PDE10A: variants seen among roughly 807,000 people sequenced by gnomAD.
PDE10A encodes cAMP and cAMP-inhibited cGMP 3',5'-cyclic phosphodiesterase 10A.
PDE10A carries 39 observed loss-of-function variants against 97.7 expected under a neutral mutation model. The observed-to-expected ratio is 0.40, with a 90% CI of 0.31 to 0.52. PDE10A has a LOEUF of 0.52. Ranked by LOEUF, PDE10A falls within the 20% of genes least tolerant of loss-of-function variation. PDE10A has a pLI of 0.56. For synonymous variants in PDE10A, 371 were observed against 376.8 expected, an observed-to-expected ratio of 0.98 and a Z score of 0.18; for missense variants, 731 against 1,047.8, an observed-to-expected ratio of 0.70 and a Z score of 4.17.
At chr6:165,486,053 C>T (rs755019055) in intron 2 of PDE10A, among the ~76,000 whole-genome samples, 22 of 152,042 alleles carry the variant, frequency 1.4e-4, no homozygotes, top group Non-Finnish European at 1.0e-4. Flanking sequence ...CGGCTAGCAA[C>T]GTAACTAGAG....
chr6:165,486,763 C>T (rs1337135257), intron 2 of PDE10A, among the ~76,000 whole-genome samples: 1 of 152,182 alleles, frequency 6.6e-6, no homozygotes, highest in Non-Finnish European at 1.5e-5. Context: ...ATAGAATGGG[C>T]TGCAAAACTT....
intron 1 of PDE10A, among the ~76,000 whole-genome samples, chr6:165,695,794 C>T (rs73788730): frequency 1.3e-3 from 192 of 152,158 alleles, no homozygotes; most frequent in African/African-American, 4.2e-3. Context: ...AAGGGAGAAT[C>T]GGGGAATGAG....
chr6:165,723,193 T>C (rs1465863648), intron 1 of PDE10A, among the ~76,000 whole-genome samples: 1 of 152,190 alleles, frequency 6.6e-6, no homozygotes, highest in Non-Finnish European at 1.5e-5. Flanking sequence ...CCACATGCAC[T>C]TGGAGGCACC....
Position 165,628,794 on chromosome 6 carries a change from A to G in PDE10A, c.865+33153T>C, listed in dbSNP as rs185458847. 1.4e-3 allele frequency among the ~76,000 whole-genome samples: 215 copies of G among 152,340 alleles called. 1 individual carries two copies. Among genetic ancestry groups the G allele is most frequent in the African/African-American group, 4.7e-3 (196 of 41,564 alleles). ...GTGCTTTGAGTGAAATTCACTATAC[A>G]CTAATCTAAACCTCCAGATTTATAG... On this transcript the variant is annotated intron_variant, in intron 1 of 21. Coordinates refer to ENST00000539869, the MANE Select transcript of PDE10A (RefSeq NM_001385079.1).
Position 165,636,739 on chromosome 6 carries a change from T to C in PDE10A, c.865+25208A>G, listed in dbSNP as rs147241910. On this transcript the variant is annotated intron_variant, in intron 1 of 21. Coordinates refer to ENST00000539869, the MANE Select transcript of PDE10A (RefSeq NM_001385079.1). ...CCCGAACACATTTGTGAAGTACTAATTGGAGGTGCAGAAATGAGGCTCCTT... is the reference window on the plus strand; with the variant it reads ...CCCGAACACATTTGTGAAGTACTAACTGGAGGTGCAGAAATGAGGCTCCTT... Among the ~76,000 whole-genome samples the C allele has an allele frequency of 3.6e-3, 548 of 152,330 alleles. 2 individuals carry two copies. The highest frequency in any genetic ancestry group is 0.012 in the African/African-American group (514 of 41,584).
upstream of PDE10A, among the ~76,000 whole-genome samples, chr6:165,663,691 C>G (rs1363481542): frequency 6.6e-6 from 1 of 152,244 alleles, no homozygotes; most frequent in Admixed American, 6.5e-5. Context: ...CTCCCTTTCG[C>G]ATACTCACTT....
intron 2 of PDE10A, among the ~76,000 whole-genome samples, chr6:165,518,749 C>T (rs141206451): frequency 6.6e-6 from 1 of 152,238 alleles, no homozygotes; most frequent in African/African-American, 2.4e-5. Context: ...GTCCATGAAA[C>T]CGTGAAGAAG....
At chr6:165,369,455 G>C (rs1399498148) in intron 18 of PDE10A, among the ~76,000 whole-genome samples, 6 of 150,404 alleles carry the variant, frequency 4.0e-5, no homozygotes, top group African/African-American at 1.5e-4. Flanking sequence ...GAGCTGATGC[G>C]ATCAACTGGA....
At chr6:165,632,084 C>T (rs1023651211) in intron 1 of PDE10A, among the ~76,000 whole-genome samples, 2 of 151,026 alleles carry the variant, frequency 1.3e-5, no homozygotes, top group African/African-American at 4.9e-5. Flanking sequence ...CCTGTAATTT[C>T]AGCTACTTGG....
intron 1 of PDE10A, among the ~76,000 whole-genome samples, chr6:165,862,899 C>T (rs532666926): frequency 2.2e-4 from 34 of 152,306 alleles, no homozygotes; most frequent in African/African-American, 7.9e-4. Context: ...AGGCTGGTCT[C>T]GAACTCCTGG....
intron 1 of PDE10A, among the ~76,000 whole-genome samples, chr6:165,659,690 C>A (rs974630419): frequency 2.0e-5 from 3 of 152,020 alleles, no homozygotes; most frequent in African/African-American, 7.2e-5. Flanking sequence ...GGCGAGGGGG[C>A]CTTTCTTGAA....
intron 2 of PDE10A, among the ~76,000 whole-genome samples, chr6:165,494,462 G>A (rs78139836): frequency 0.058 from 8,675 of 148,512 alleles, 378 homozygotes; most frequent in African/African-American, 0.092. Context: ...ATGTGGGGGG[G>A]GGTGTGTGTG....
intron 2 of PDE10A, among the ~76,000 whole-genome samples, chr6:165,516,434 G>A (rs971741522): frequency 3.3e-5 from 5 of 151,896 alleles, no homozygotes; most frequent in East Asian, 3.9e-4. Context: ...TCAAAGATAC[G>A]CGCACATCAA....
chr6:165,602,316 A>G (rs2128395983), intron 1 of PDE10A, among the ~76,000 whole-genome samples: 1 of 152,230 alleles, frequency 6.6e-6, no homozygotes, highest in Admixed American at 6.5e-5. Flanking sequence ...TTCTCAACCA[A>G]GAGCCCTAGG....
chr6:165,718,807 T>C (rs1792091636), intron 1 of PDE10A, among the ~76,000 whole-genome samples: 1 of 152,076 alleles, frequency 6.6e-6, no homozygotes, highest in Admixed American at 6.6e-5. Flanking sequence ...AAAGAATGGC[T>C]AAGGATAACA....
intron 18 of PDE10A, among the ~76,000 whole-genome samples, chr6:165,373,102 G>A (rs1164701186): frequency 6.6e-6 from 1 of 150,958 alleles, no homozygotes; most frequent in Non-Finnish European, 1.5e-5. Context: ...AGACTTAAAT[G>A]TTAGACCTAA....
chr6:165,668,008 G>T (rs947818191), upstream of PDE10A, among the ~76,000 whole-genome samples: 1 of 152,166 alleles, frequency 6.6e-6, no homozygotes, highest in African/African-American at 2.4e-5. Context: ...ACAGATGCAA[G>T]TTAGAACACA....
intron 1 of PDE10A, chr6:165,908,869 C>T (rs78908338): frequency 0.051 from 7,808 of 152,290 alleles, 288 homozygotes; most frequent in Middle Eastern, 0.13. Flanking sequence ...TCTCATCTGC[C>T]GTCTTCCTCC....
At chr6:165,394,588 T>C (rs1430082049) in intron 15 of PDE10A, among the ~76,000 whole-genome samples, 1 of 152,216 alleles carries the variant, frequency 6.6e-6, no homozygotes, top group Non-Finnish European at 1.5e-5. Context: ...TACCTAGTAA[T>C]GGGATTGCTA....
Sources: gnomAD v4.1 joint callset for allele counts (sites outside exome capture counted in the v4.1 genomes callset) on GRCh38, gnomAD v4.1.1 for gene constraint, MANE v1.5 for transcripts, NCBI Gene and HGNC (gene_info 2026-07-23, HGNC 2026-07-21) for gene names.